IFT81: variants seen among roughly 807,000 people sequenced by gnomAD.
IFT81 encodes intraflagellar transport protein 81 homolog.
IFT81 carries 72 observed loss-of-function variants against 102.6 expected under a neutral mutation model. The observed-to-expected ratio is 0.70, with a 90% confidence interval of 0.58 to 0.85. The LOEUF is 0.85. Among genes scored for constraint, IFT81 ranks in the 40% least tolerant of loss-of-function variants. IFT81 has a pLI of 0.00. For missense variants in IFT81, 723 were observed against 787.3 expected (o/e 0.92, Z 0.98); for synonymous variants, 237 against 242.7 (o/e 0.98, Z 0.22).
At chr12:110,215,304 G>A (rs990124339) in intron 18 of IFT81, among the ~76,000 whole-genome samples, 1 of 151,510 alleles carries the variant, frequency 6.6e-6, no homozygotes, top group Admixed American at 6.6e-5. Flanking sequence ...TCTCACACTC[G>A]GTGTCGGTAC....
intron 14 of IFT81, among the ~76,000 whole-genome samples, chr12:110,199,100 C>T (rs2137569523): frequency 6.6e-6 from 1 of 152,270 alleles, no homozygotes; most frequent in East Asian, 1.9e-4. Context: ...TGAGCCACCG[C>T]ACCTGGCCTC....
At chr12:110,201,009 C>CT (rs1191472324) in intron 14 of IFT81, among the ~76,000 whole-genome samples, 3 of 151,972 alleles carry the variant, frequency 2.0e-5, no homozygotes, top group African/African-American at 7.2e-5. Flanking sequence ...AAAAAATTGA[C>CT]TTTTTTGTAA....
At chr12:110,159,103 G>T (rs1896003448) in intron 10 of IFT81, among the ~76,000 whole-genome samples, 1 of 152,134 alleles carries the variant, frequency 6.6e-6, no homozygotes, top group African/African-American at 2.4e-5. Context: ...TTTCCCAGGG[G>T]TTTACTGTTT....
chr12:110,135,453 TTTA>T lies in IFT81; in HGVS notation c.696+18_696+20del, dbSNP rs772875310. 1 of 1,439,464 alleles carries T rather than the reference TTTA, an allele frequency of 6.9e-7. No homozygotes were observed. The highest frequency in any genetic ancestry group is 2.3e-5 in the East Asian group (1 of 44,010). 89.2% of individuals were successfully genotyped at this position (1,439,464 alleles called of 1,614,324 possible). On this transcript the variant is annotated intron_variant, in intron 7 of 18. Transcript: ENST00000242591. ...AAAGAATCAGGTATCCACATAAAAG[TTTA>T]TATTCTCAGTATGAAGGAAATAGTT...
intron 3 of IFT81, 53 bp from the exon 4 acceptor site, chr12:110,128,897 C>T: frequency 7.3e-7 from 1 of 1,377,918 alleles, no homozygotes; most frequent in Non-Finnish European, 1.0e-6. Flanking sequence ...TGTCTCTCTT[C>T]AAAGTTTACC....
chr12:110,133,466 A>G (rs1304482277), intron 5 of IFT81, among the ~76,000 whole-genome samples: 3 of 151,722 alleles, frequency 2.0e-5, no homozygotes, highest in East Asian at 3.9e-4. Flanking sequence ...CCAGAAAAAA[A>G]AAAAAAAACA....
rs532099911 is a variant in IFT81 at position 110,208,106 on chromosome 12, C to T, written c.1803-1065C>T. On this transcript the variant is annotated intron_variant, in intron 17 of 18. Transcript: ENST00000242591. The stretch of plus-strand genomic sequence containing the variant: ...CATTAAGCCATATTCTTTTCCCATG[C>T]GTTTGCTGATACATCTGTATATATG... Among the ~76,000 whole-genome samples, 15 of 152,128 alleles carry T rather than the reference C, an allele frequency of 9.9e-5. No homozygotes were observed. The South Asian group carries it at 2.7e-3, about 27-fold the overall frequency.
chr12:110,207,559 T>C (rs916182635), intron 17 of IFT81, among the ~76,000 whole-genome samples: 22 of 134,844 alleles, frequency 1.6e-4, no homozygotes, highest in Non-Finnish European at 3.1e-4. Context: ...CTTCAGTCTT[T>C]TTTTTTTTTT....
At chr12:110,144,198 G>T (rs1895059122) in intron 9 of IFT81, among the ~76,000 whole-genome samples, 1 of 149,304 alleles carries the variant, frequency 6.7e-6, no homozygotes. Context: ...TGTTGTTGTT[G>T]TTTTTGTTGT....
At chr12:110,205,398 C>G in intron 15 of IFT81, 45 bp from the exon 16 acceptor site, 1 of 1,543,328 alleles carries the variant, frequency 6.5e-7, no homozygotes, top group Non-Finnish European at 8.7e-7. Flanking sequence ...CCATATCTGT[C>G]TCATTCTTTC....
chr12:110,143,681 A>G (rs1393187907), intron 9 of IFT81, 136 bp downstream of exon 9: 3 of 608,776 alleles, frequency 4.9e-6, no homozygotes, highest in Non-Finnish European at 8.3e-6. Flanking sequence ...AACTCTTATG[A>G]GGAATTGTCC....
chr12:110,151,486 A>G (rs188190696), intron 10 of IFT81, among the ~76,000 whole-genome samples: 63 of 152,276 alleles, frequency 4.1e-4, no homozygotes, highest in African/African-American at 1.5e-3. Context: ...TGCTACTATG[A>G]ACATTCTTAT....
At chr12:110,191,084 G>A in intron 13 of IFT81, 36 bp downstream of exon 13, 1 of 1,561,838 alleles carries the variant, frequency 6.4e-7, no homozygotes, top group Non-Finnish European at 8.7e-7. Context: ...CTTTTATTGT[G>A]TAGCTAGAAG....
chr12:110,127,246 A>G (rs959405915), intron 1 of IFT81, 114 bp from the exon 2 acceptor site: 1 of 1,005,602 alleles, frequency 9.9e-7, no homozygotes, highest in Non-Finnish European at 1.4e-6. Context: ...AGCATTTTGT[A>G]TGCCATGTAA....
Position 110,218,339 on chromosome 12 carries a change from C to A in IFT81, c.*113C>A. On this transcript the variant is annotated 3_prime_UTR_variant, in exon 19 of 19. Transcript: ENST00000242591. ...TATAGCATTTTGTTTTCAGAAGAGC[C>A]ATTCTTTATTAAGTTTTCATAGAAA... 2 of 706,102 alleles carry A rather than the reference C, an allele frequency of 2.8e-6. No individual in the cohort carries two copies. Among genetic ancestry groups the A allele is most frequent in the South Asian group, 4.1e-5 (1 of 24,328 alleles). 43.7% of individuals were successfully genotyped at this position (706,102 alleles called of 1,614,324 possible).
chr12:110,202,220 TA>T (rs1898318245), intron 14 of IFT81, among the ~76,000 whole-genome samples: 1 of 152,196 alleles, frequency 6.6e-6, no homozygotes. Flanking sequence ...AGCTCCATTA[TA>T]ATCATATGGG....
chr12:110,169,079 T>C (rs865935378), intron 11 of IFT81: 1 of 110,122 alleles, frequency 9.1e-6, no homozygotes, highest in African/African-American at 3.4e-5. Context: ...CTTCCTTCCT[T>C]CCTCTCTCTC....
At chr12:110,205,890 T>A (rs1868558838) in intron 17 of IFT81, among the ~76,000 whole-genome samples, 1 of 152,220 alleles carries the variant, frequency 6.6e-6, no homozygotes, top group Non-Finnish European at 1.5e-5. Flanking sequence ...TACTTTTTGA[T>A]TGTGATAAAA....
intron 10 of IFT81, among the ~76,000 whole-genome samples, chr12:110,148,471 C>T (rs1895345624): frequency 6.6e-6 from 1 of 151,640 alleles, no homozygotes; most frequent in African/African-American, 2.4e-5. Flanking sequence ...CATTTATTAG[C>T]TGGACTACTT....
Sources: allele counts gnomAD v4.1 joint callset (sites outside exome capture counted in the v4.1 genomes callset), GRCh38; gene constraint gnomAD v4.1.1; transcripts MANE v1.5; gene names NCBI Gene and HGNC (gene_info 2026-07-23, HGNC 2026-07-21).